SMURF2: variants seen among roughly 807,000 people sequenced by gnomAD.
The protein encoded by SMURF2 is SMAD specific E3 ubiquitin protein ligase 2, also known as E3 ubiquitin-protein ligase SMURF2.
Under a neutral mutation model 109.6 loss-of-function variants are expected in SMURF2, and 48 were observed. The ratio of observed to expected loss-of-function variants is 0.44; its 90% CI spans 0.35 to 0.56. The LOEUF (loss-of-function observed/expected upper bound fraction) is 0.56. Among genes scored for constraint, SMURF2 ranks in the 20% least tolerant of loss-of-function variants. The pLI is 0.01. For synonymous variants in SMURF2, 288 were observed against 317.1 expected, an observed-to-expected ratio of 0.91 and a Z score of 0.97; for missense variants, 575 against 909.0, an observed-to-expected ratio of 0.63 and a Z score of 4.72.
chr17:64,575,819 T>C, intron 9 of SMURF2, among the ~76,000 whole-genome samples: 1 of 152,132 alleles, frequency 6.6e-6, no homozygotes, highest in Non-Finnish European at 1.5e-5. Context: ...ATGTGCAACA[T>C]ACAAAGTTGA....
intron 1 of SMURF2, among the ~76,000 whole-genome samples, chr17:64,619,627 G>C (rs1449490565): frequency 2.0e-5 from 3 of 152,020 alleles, no homozygotes; most frequent in African/African-American, 7.2e-5. Flanking sequence ...CAAGATCAAG[G>C]TGCCAGCAGA....
chr17:64,644,834 T>C (rs1181149439), intron 1 of SMURF2, among the ~76,000 whole-genome samples: 3 of 149,564 alleles, frequency 2.0e-5, no homozygotes, highest in Non-Finnish European at 4.4e-5. Flanking sequence ...ACCCTGTCTC[T>C]ACTAAAAATA....
chr17:64,546,244 A>C lies in SMURF2; in HGVS notation c.2147+19T>G. ...CTTATGTACATGGAATGGGGAATAC[A>C]GCTACAAAAATACCTTACCAAGTGT... On this transcript the variant is annotated intron_variant, in intron 18 of 18. Transcript: ENST00000262435. The C allele has an allele frequency of 6.2e-7, 1 of 1,611,250 alleles. No homozygotes were observed. Among genetic ancestry groups the C allele is most frequent in the African/African-American group, 1.3e-5 (1 of 74,990 alleles).
At chr17:64,606,535 G>A in intron 2 of SMURF2, 67 bp downstream of exon 2, 11 of 1,150,900 alleles carry the variant, frequency 9.6e-6, no homozygotes, top group Non-Finnish European at 1.4e-5. Flanking sequence ...CTAAACCAGA[G>A]AATTCTGAAA....
intron 6 of SMURF2, among the ~76,000 whole-genome samples, chr17:64,585,438 T>C (rs1299551583): frequency 2.0e-5 from 3 of 152,338 alleles, no homozygotes; most frequent in South Asian, 4.1e-4. Flanking sequence ...TTTCATTTGA[T>C]CCTCTCAACA....
intron 1 of SMURF2, among the ~76,000 whole-genome samples, chr17:64,633,892 C>T (rs1970379637): frequency 6.6e-6 from 1 of 152,116 alleles, no homozygotes; most frequent in Non-Finnish European, 1.5e-5. Context: ...TGTGGTGGCT[C>T]ATGCCTGTCA....
chr17:64,561,683 C>G, intron 11 of SMURF2, 80 bp from the exon 12 acceptor site: 1 of 1,075,896 alleles, frequency 9.3e-7, no homozygotes, highest in South Asian at 1.5e-5. Context: ...CCAATCCATC[C>G]AAAAAACTCA....
intron 12 of SMURF2, among the ~76,000 whole-genome samples, chr17:64,559,946 G>T (rs762650256): frequency 9.2e-5 from 14 of 151,570 alleles, no homozygotes; most frequent in Non-Finnish European, 1.8e-4. Context: ...TAGAGACGGG[G>T]TTTCATCATG....
intron 10 of SMURF2, among the ~76,000 whole-genome samples, chr17:64,564,980 A>G (rs1179518546): frequency 6.6e-6 from 1 of 152,246 alleles, no homozygotes; most frequent in African/African-American, 2.4e-5. Flanking sequence ...TATGTTCACT[A>G]TCTTCACTGT....
At position 64,637,923 on chromosome 17, in the gene SMURF2, C is replaced by CAAAAAAAAAAAA. The variant is rs59701513; in HGVS notation, c.52+23894_52+23905dup. ...CATTGAATGGTTTTGGCGCCCTAGT[C>CAAAAAAAAAAAA]AAAAAAAAAAAAAAAAAAAATCAAC... On this transcript the variant is annotated intron_variant, in intron 1 of 18. Coordinates refer to ENST00000262435, the MANE Select transcript of SMURF2 (RefSeq NM_022739.4). 2.7e-3 allele frequency among the ~76,000 whole-genome samples: 196 copies of CAAAAAAAAAAAA among 72,508 alleles called. 5 individuals carry two copies. Among genetic ancestry groups the CAAAAAAAAAAAA allele is most frequent in the African/African-American group, 7.0e-3 (171 of 24,276 alleles). The allele number at this position is 72,508 out of a possible 152,430, so 47.6% of individuals were successfully genotyped here. A position where few individuals can be genotyped will look rare whatever the true frequency, so the allele number is the denominator to read the frequency against.
Position 64,581,031 on chromosome 17 carries a change from A to G in SMURF2, c.570-40T>C, listed in dbSNP as rs577922708. 18 of 1,585,608 alleles carry G rather than the reference A, an allele frequency of 1.1e-5. No individual in the cohort carries two copies. The African/African-American group carries it at 2.0e-4, about 18-fold the overall frequency. On this transcript the variant is annotated intron_variant, in intron 7 of 18. Transcript: ENST00000262435. This position sits in a 1 kb window ranked among gnomAD's most constrained non-coding sequence, Gnocchi z 4.3. ...CAAGGAAAAGATGTTATCAATTTAG[A>G]TATCAAAAGTAGAGTTCTCTAGACA... is the stretch of plus-strand genomic sequence containing the variant.
At chr17:64,631,078 G>T (rs984918222) in intron 1 of SMURF2, among the ~76,000 whole-genome samples, 2 of 151,700 alleles carry the variant, frequency 1.3e-5, no homozygotes, top group Non-Finnish European at 2.9e-5. Context: ...AACGCAGGAG[G>T]ATCACTTGAG....
In SMURF2 at chr17:64,557,607, C is replaced by A; in HGVS notation, c.1431+1G>T. Reference sequence around the variant, plus strand: ...ATTCACATCATAACTTCAAATCATACCGGATTAACTGCAGAATCAGGATTG... The same window carrying A: ...ATTCACATCATAACTTCAAATCATAACGGATTAACTGCAGAATCAGGATTG... On this transcript the variant is annotated splice_donor_variant, in intron 13 of 18. Coordinates refer to ENST00000262435, the MANE Select transcript of SMURF2 (RefSeq NM_022739.4). LOFTEE classifies it high-confidence loss of function. 1 of 1,551,880 alleles carries A rather than the reference C, an allele frequency of 6.4e-7. No individual in the cohort carries two copies. The highest frequency in any genetic ancestry group is 1.1e-5 in the South Asian group (1 of 88,634).
At chr17:64,589,117 TA>T (rs1969713299) in intron 5 of SMURF2, among the ~76,000 whole-genome samples, 1 of 152,220 alleles carries the variant, frequency 6.6e-6, no homozygotes, top group Admixed American at 6.5e-5. Context: ...ATGGTCCTAT[TA>T]TGAACACCAG....
chr17:64,625,673 G>A lies in SMURF2; in HGVS notation c.53-19033C>T, dbSNP rs184022418. Among the ~76,000 whole-genome samples, 1,399 of 152,190 alleles carry A rather than the reference G, an allele frequency of 9.2e-3. 16 individuals are homozygous for A. Among genetic ancestry groups the A allele is most frequent in the African/African-American group, 0.032 (1,341 of 41,522 alleles). On this transcript the variant is annotated intron_variant, in intron 1 of 18. Transcript: ENST00000262435. ...CACGTATCTTATCTCTTCCTAGAGG[G>A]CCTGTTAAAATACACCGCTGAGTCC...
chr17:64,555,815 C>CA lies in SMURF2; in HGVS notation c.1610+4dup. On this transcript the variant is annotated splice_donor_region_variant and intron_variant, in intron 14 of 18. Transcript: ENST00000262435. ...TAATGAAGAGATAGAAGACTCAATACATACAGTATCCACACTAAACTGTTG... is the reference window on the plus strand; with the variant it reads ...TAATGAAGAGATAGAAGACTCAATACAATACAGTATCCACACTAAACTGTTG... 6.3e-7 allele frequency: 1 copy of CA among 1,590,866 alleles called. No individual in the cohort carries two copies. The highest frequency in any genetic ancestry group is 8.6e-7 in the Non-Finnish European group (1 of 1,163,580).
rs552301154 is a variant in SMURF2, at chr17:64,553,539, A to G, written c.1748+1317T>C. On this transcript the variant is annotated intron_variant, in intron 15 of 18. Coordinates refer to ENST00000262435, the MANE Select transcript of SMURF2 (RefSeq NM_022739.4). Reference sequence around the variant, plus strand: ...CAAAAAAACAAAACAAAAAACAAAAAAAAAACCATGGATTTTGTTCCTACA... The same window carrying G: ...CAAAAAAACAAAACAAAAAACAAAAGAAAAACCATGGATTTTGTTCCTACA... Among the ~76,000 whole-genome samples, 6 of 152,156 alleles carry G rather than the reference A, an allele frequency of 3.9e-5. No individual in the cohort carries two copies. The South Asian group carries it at 1.2e-3, about 32-fold the overall frequency.
intron 9 of SMURF2, among the ~76,000 whole-genome samples, chr17:64,577,449 A>G (rs1432334654): frequency 6.6e-6 from 1 of 152,086 alleles, no homozygotes; most frequent in Non-Finnish European, 1.5e-5. Flanking sequence ...TATATACCTA[A>G]TGTAAATGAC....
At chr17:64,657,869 A>G (rs1254791229) in intron 1 of SMURF2, among the ~76,000 whole-genome samples, 1 of 152,188 alleles carries the variant, frequency 6.6e-6, no homozygotes, top group Non-Finnish European at 1.5e-5. Flanking sequence ...TGACTAAAAT[A>G]CACAGACTTT....
Sources: gnomAD v4.1 joint callset for allele counts (sites outside exome capture counted in the v4.1 genomes callset) on GRCh38, gnomAD v4.1.1 for gene constraint, Gnocchi (gnomAD v3.1) non-coding constraint, MANE v1.5 for transcripts, NCBI Gene and HGNC (gene_info 2026-07-23, HGNC 2026-07-21) for gene names.